USP28: variants seen among roughly 807,000 people sequenced by gnomAD.
The protein encoded by USP28 is ubiquitin specific peptidase 28, also known as ubiquitin carboxyl-terminal hydrolase 28.
USP28 carries 113 observed loss-of-function variants against 145.0 expected under a neutral mutation model. The ratio of observed to expected loss-of-function variants is 0.78; its 90% confidence interval spans 0.67 to 0.91. The LOEUF (loss-of-function observed/expected upper bound fraction) is 0.91, where lower values mean the gene tolerates loss of function less well. Ranked by LOEUF, USP28 falls within the 40% of genes least tolerant of loss-of-function variation. The pLI is 0.00. For synonymous variants in USP28, 447 were observed against 450.9 expected (o/e 0.99, Z 0.11); for missense variants, 1,201 against 1,289.6 (o/e 0.93, Z 1.05).
chr11:113,841,906 T>C (rs1945244563), intron 3 of USP28, 138 bp from the exon 4 acceptor site: 4 of 480,136 alleles, frequency 8.3e-6, no homozygotes, highest in Admixed American at 7.3e-5. Context: ...ATTACCCTAC[T>C]GCATAGTCAA....
At chr11:113,819,237 C>T (rs764865723) in intron 12 of USP28, among the ~76,000 whole-genome samples, 9 of 151,760 alleles carry the variant, frequency 5.9e-5, no homozygotes, top group Non-Finnish European at 8.8e-5. Context: ...CTCAGCCTCC[C>T]GAGTAGCTGG....
intron 17 of USP28, among the ~76,000 whole-genome samples, 175 bp from the exon 18 acceptor site, chr11:113,808,612 A>G (rs1940440530): frequency 6.6e-6 from 1 of 152,250 alleles, no homozygotes; most frequent in South Asian, 2.1e-4. Flanking sequence ...TGGCTACTTC[A>G]GCAAGAACTC....
intron 21 of USP28, among the ~76,000 whole-genome samples, chr11:113,804,440 A>C (rs1465158871): frequency 6.6e-6 from 1 of 152,256 alleles, no homozygotes; most frequent in Non-Finnish European, 1.5e-5. Flanking sequence ...AGGCTAAAAT[A>C]GGTATTTAAG....
chr11:113,841,526 T>C (rs1165111280), intron 4 of USP28, 137 bp downstream of exon 4: 5 of 555,836 alleles, frequency 9.0e-6, no homozygotes, highest in Non-Finnish European at 1.6e-5. Flanking sequence ...AGTAAGCTAA[T>C]GCAAATTCAA....
At chr11:113,803,205 C>A (rs1312628329) in exon 23 of USP28, 2 of 1,613,968 alleles carry the variant, frequency 1.2e-6, no homozygotes, top group African/African-American at 1.3e-5. Flanking sequence ...TCTTTGACCC[C>A]CCGGCGGGGC....
At chr11:113,823,637 C>T (rs143660905) in exon 12 of USP28, 1 of 1,612,220 alleles carries the variant, frequency 6.2e-7, no homozygotes, top group Non-Finnish European at 8.5e-7. Context: ...TTTTTATTTC[C>T]TCCTTCAACT....
At chr11:113,861,426 A>G (rs1947683990) in intron 1 of USP28, among the ~76,000 whole-genome samples, 1 of 152,352 alleles carries the variant, frequency 6.6e-6, no homozygotes. Context: ...TGCCTGTTTG[A>G]GTTTATTAAC....
intron 16 of USP28, among the ~76,000 whole-genome samples, chr11:113,811,537 A>C (rs1164741080): frequency 6.6e-6 from 1 of 152,126 alleles, no homozygotes; most frequent in African/African-American, 2.4e-5. Flanking sequence ...AAAATACAAA[A>C]ATCAGCTGGG....
At chr11:113,833,023 A>G (rs1944181450) in intron 7 of USP28, among the ~76,000 whole-genome samples, 1 of 152,228 alleles carries the variant, frequency 6.6e-6, no homozygotes, top group Non-Finnish European at 1.5e-5. Flanking sequence ...TCAGGTTTAG[A>G]TAGTTTTAAA....
intron 12 of USP28, chr11:113,821,769 CCT>C (rs923143070): frequency 1.0e-5 from 2 of 192,602 alleles, no homozygotes; most frequent in Non-Finnish European, 2.2e-5. Context: ...ATTCAGAAAG[CCT>C]CTCTGTTCCA....
chr11:113,835,297 G>A (rs1161481291), intron 5 of USP28: 1 of 455,880 alleles, frequency 2.2e-6, no homozygotes. Context: ...ACCCTCTCAG[G>A]CCTGCACGGT....
chr11:113,836,658 G>A (rs1429264178), intron 5 of USP28, among the ~76,000 whole-genome samples: 1 of 152,114 alleles, frequency 6.6e-6, no homozygotes, highest in Non-Finnish European at 1.5e-5. Flanking sequence ...TCTATTTCCA[G>A]GGCTACCAGT....
intron 1 of USP28, among the ~76,000 whole-genome samples, chr11:113,867,761 GA>G (rs2137060846): frequency 8.1e-6 from 1 of 122,800 alleles, no homozygotes. Context: ...AATGAATAAG[GA>G]AACCTGTATA....
intron 19 of USP28, among the ~76,000 whole-genome samples, 178 bp downstream of exon 20, chr11:113,806,311 T>G (rs1939949283): frequency 6.6e-6 from 1 of 152,022 alleles, no homozygotes. Flanking sequence ...CACAGTACAT[T>G]TCAGCCTCCA....
rs371260532 is a variant in USP28, at chr11:113,852,270, C to T, written c.268+231G>A. On this transcript the variant is annotated intron_variant, in intron 3 of 24. Transcript: ENST00000003302. ...GTCTCGATCTCCTGACCTCGTAATC[C>T]GCCTGCCTCGGCCTCCCAAAGTGCT... 1.1e-3 allele frequency among the ~76,000 whole-genome samples: 170 copies of T among 152,286 alleles called. 1 individual carries two copies. The highest frequency in any genetic ancestry group is 3.0e-3 in the African/African-American group (123 of 41,568).
chr11:113,810,863 C>A (rs1293816845), intron 16 of USP28, among the ~76,000 whole-genome samples: 2 of 152,158 alleles, frequency 1.3e-5, no homozygotes, highest in Non-Finnish European at 2.9e-5. Context: ...TTAGTAGACA[C>A]AGGGTTTTAC....
At chr11:113,827,055 A>G (rs965258094) in intron 11 of USP28, among the ~76,000 whole-genome samples, 178 bp downstream of exon 11, 5 of 152,134 alleles carry the variant, frequency 3.3e-5, no homozygotes, top group Non-Finnish European at 7.4e-5. Context: ...CAGAAGCAAC[A>G]TGAGCACAAC....
At chr11:113,801,704 G>A (rs1939055649) in intron 23 of USP28, 26 bp from the exon 25 acceptor site, 4 of 1,532,060 alleles carry the variant, frequency 2.6e-6, no homozygotes, top group Non-Finnish European at 3.6e-6. Flanking sequence ...AGAATTAGGT[G>A]GGGAAGAGTC....
intron 12 of USP28, among the ~76,000 whole-genome samples, chr11:113,819,118 T>TC (rs1231358917): frequency 2.0e-5 from 3 of 150,310 alleles, no homozygotes; most frequent in African/African-American, 7.3e-5. Flanking sequence ...TTTTATTCTT[T>TC]TTTTTTTTTT....
Sources: gnomAD v4.1 joint callset for allele counts (sites outside exome capture counted in the v4.1 genomes callset) on GRCh38, gnomAD v4.1.1 for gene constraint, MANE v1.5 for transcripts, NCBI Gene and HGNC (gene_info 2026-07-23, HGNC 2026-07-21) for gene names.